ZC3H7A: variants seen among roughly 807,000 people sequenced by gnomAD.
ZC3H7A encodes the protein zinc finger CCCH-type containing 7A, also known as zinc finger CCCH domain-containing protein 7A.
A neutral mutation model predicts 125.5 loss-of-function variants in ZC3H7A; 44 were observed. The ratio of observed to expected loss-of-function variants is 0.35; its 90% confidence interval spans 0.28 to 0.45. The LOEUF (loss-of-function observed/expected upper bound fraction) is 0.45, where lower values mean the gene tolerates loss of function less well. ZC3H7A is among the 20% of genes least tolerant of loss of function. The pLI, the probability that ZC3H7A is intolerant of heterozygous loss-of-function variation, is 1.00. For missense variants in ZC3H7A, 977 were observed against 1,170.7 expected (o/e 0.83, Z 2.41); for synonymous variants, 399 against 391.2 (o/e 1.02, Z -0.23).
chr16:11,779,950 G>A (rs889354074), intron 3 of ZC3H7A, among the ~76,000 whole-genome samples: 2 of 151,742 alleles, frequency 1.3e-5, no homozygotes, highest in South Asian at 2.1e-4. Context: ...CATTTTTACG[G>A]ACCCCTTGTA....
At chr16:11,781,053 G>C (rs375215729) in intron 3 of ZC3H7A, among the ~76,000 whole-genome samples, 18 of 151,586 alleles carry the variant, frequency 1.2e-4, no homozygotes, top group African/African-American at 4.4e-4. Flanking sequence ...ATAGAGGAAA[G>C]AAAATACAGG....
At chr16:11,769,561 A>T (rs1567381365) in intron 10 of ZC3H7A, among the ~76,000 whole-genome samples, 1 of 151,096 alleles carries the variant, frequency 6.6e-6, no homozygotes, top group Non-Finnish European at 1.5e-5. Context: ...TACAAAAAAA[A>T]TTTGCCAGGT....
intron 1 of ZC3H7A, among the ~76,000 whole-genome samples, chr16:11,795,453 T>C (rs1316767208): frequency 2.6e-5 from 4 of 152,246 alleles, no homozygotes; most frequent in African/African-American, 7.2e-5. Flanking sequence ...CGCATGTATG[T>C]GGAGAGGGAG....
At chr16:11,757,645 C>CTTCTTCCTTA (rs1201553181) in intron 20 of ZC3H7A, among the ~76,000 whole-genome samples, 1 of 152,078 alleles carries the variant, frequency 6.6e-6, no homozygotes, top group Non-Finnish European at 1.5e-5. Context: ...ACTAGAAATG[C>CTTCTTCCTTA]TTCTTCCTTA....
At chr16:11,793,008 G>C (rs117527852) in intron 1 of ZC3H7A, among the ~76,000 whole-genome samples, 64 of 152,244 alleles carry the variant, frequency 4.2e-4, no homozygotes, top group East Asian at 1.9e-4. Context: ...CAAAGCAGAG[G>C]GCTTTCACAG....
intron 13 of ZC3H7A, 88 bp downstream of exon 13, chr16:11,767,329 T>C: frequency 9.3e-7 from 1 of 1,073,966 alleles, no homozygotes; most frequent in Non-Finnish European, 1.2e-6. Context: ...ATGATGCATT[T>C]CTCACAATGT....
chr16:11,784,403 T>C (rs1051360566), intron 1 of ZC3H7A, among the ~76,000 whole-genome samples: 15 of 152,078 alleles, frequency 9.9e-5, no homozygotes, highest in African/African-American at 3.6e-4. Context: ...GGAAGCACTA[T>C]TTGTAAAAGA....
At chr16:11,794,958 G>A (rs2053412294) in intron 1 of ZC3H7A, among the ~76,000 whole-genome samples, 1 of 152,146 alleles carries the variant, frequency 6.6e-6, no homozygotes, top group Non-Finnish European at 1.5e-5. Flanking sequence ...AGAAAGGCAG[G>A]AATTCTCCAC....
Position 11,782,522 on chromosome 16 carries a change from G to A in ZC3H7A, c.-34-134C>T, listed in dbSNP as rs115595587. The A allele has an allele frequency of 1.7e-3, 1,185 of 698,746 alleles. 10 individuals carry two copies. The African/African-American group carries it at 0.019, about 11-fold the overall frequency. The allele number at this position is 698,746 out of a possible 1,614,324, so 43.3% of individuals were successfully genotyped here. A position where few individuals can be genotyped will look rare whatever the true frequency, so the allele number is the denominator to read the frequency against. ...ATTTCTGACTTGACTCCAGGGTCCT[G>A]GACGGCAGGGACCGTACAGGAGTCA... On this transcript the variant is annotated intron_variant, in intron 1 of 22. Coordinates refer to ENST00000355758, the MANE Select transcript of ZC3H7A (RefSeq NM_014153.4).
At chr16:11,752,912 G>T (rs2052576421) in intron 21 of ZC3H7A, 80 bp from the exon 22 acceptor site, 1 of 1,524,310 alleles carries the variant, frequency 6.6e-7, no homozygotes, top group Non-Finnish European at 8.8e-7. Flanking sequence ...CCAGGCTGGT[G>T]GGAGAGCCAG....
intron 4 of ZC3H7A, among the ~76,000 whole-genome samples, chr16:11,777,647 G>A (rs2053104064): frequency 6.6e-6 from 1 of 152,084 alleles, no homozygotes; most frequent in Non-Finnish European, 1.5e-5. Context: ...CTTGAACCCA[G>A]GAGACAGAGG....
chr16:11,796,338 G>T (rs558169818), intron 1 of ZC3H7A: 1 of 152,228 alleles, frequency 6.6e-6, no homozygotes, highest in Non-Finnish European at 1.5e-5. Flanking sequence ...CAAACGGCGG[G>T]GGGTCAGTGG....
chr16:11,797,076 C>CGCGCGGGGA (rs1193251386), intron 1 of ZC3H7A, 48 bp downstream of exon 1: 2 of 144,112 alleles, frequency 1.4e-5, no homozygotes, highest in African/African-American at 5.2e-5. Context: ...GGCGGGGGCG[C>CGCGCGGGGA]GGGCGCGCGC....
chr16:11,792,439 T>C (rs933525311), intron 1 of ZC3H7A, among the ~76,000 whole-genome samples: 2 of 152,206 alleles, frequency 1.3e-5, no homozygotes, highest in African/African-American at 4.8e-5. Context: ...CAAAGTCTAG[T>C]ACAATGTTGG....
chr16:11,759,442 TC>T (rs2052705184), intron 19 of ZC3H7A: 1 of 152,182 alleles, frequency 6.6e-6, no homozygotes, highest in Admixed American at 6.6e-5. Flanking sequence ...ACTGTACATT[TC>T]CTCCCTTGGA....
intron 1 of ZC3H7A, among the ~76,000 whole-genome samples, chr16:11,790,915 T>C (rs2053339820): frequency 6.6e-6 from 1 of 150,414 alleles, no homozygotes; most frequent in Admixed American, 6.6e-5. Flanking sequence ...AAAATAAAAA[T>C]AAAAATCAGC....
chr16:11,771,396 T>TA (rs796241049), intron 9 of ZC3H7A, among the ~76,000 whole-genome samples: 6,399 of 140,456 alleles, frequency 0.046, 459 homozygotes, highest in African/African-American at 0.16. Context: ...TCCAAAAAAA[T>TA]AAAAAAAAAA....
At chr16:11,762,155 T>G (rs2052763332) in intron 17 of ZC3H7A, 112 bp from the exon 18 acceptor site, 1 of 1,084,030 alleles carries the variant, frequency 9.2e-7, no homozygotes, top group Admixed American at 3.2e-5. Context: ...ATTTCCCATT[T>G]TTATCTGACT....
At chr16:11,778,020 CAAAA>C (rs58410590) in intron 4 of ZC3H7A, among the ~76,000 whole-genome samples, 1 of 84,476 alleles carries the variant, frequency 1.2e-5, no homozygotes, top group African/African-American at 4.5e-5. Context: ...ACTCTTGTCT[CAAAA>C]AAAAAAAAAA....
Sources: allele counts gnomAD v4.1 joint callset (sites outside exome capture counted in the v4.1 genomes callset), GRCh38; gene constraint gnomAD v4.1.1; transcripts MANE v1.5; gene names NCBI Gene and HGNC (gene_info 2026-07-23, HGNC 2026-07-21).